The following NEO1 variants were observed in gnomAD, a reference collection of about 807,000 sequenced individuals.
The protein encoded by NEO1 is neogenin.
A neutral mutation model predicts 159.7 loss-of-function variants in NEO1; 63 were observed. The ratio of observed to expected loss-of-function variants is 0.39; its 90% CI spans 0.32 to 0.49. NEO1 has a LOEUF of 0.49. NEO1 is among the 20% of genes least tolerant of loss of function. NEO1 has a pLI of 0.85. For missense variants in NEO1, 1,615 were observed against 1,831.0 expected, an observed-to-expected ratio of 0.88 and a Z score of 2.15; for synonymous variants, 633 against 662.0, an observed-to-expected ratio of 0.96 and a Z score of 0.67.
At chr15:73,072,710 A>G (rs28462360) in intron 1 of NEO1, among the ~76,000 whole-genome samples, 23,015 of 152,140 alleles carry the variant, frequency 0.15, 2,801 homozygotes, top group African/African-American at 0.33. Flanking sequence ...GCTTGCGTGC[A>G]TGGAGGTGGG....
At chr15:73,122,067 A>ATATG (rs1350276720) in intron 2 of NEO1, among the ~76,000 whole-genome samples, 1 of 15,682 alleles carries the variant, frequency 6.4e-5, no homozygotes, top group Non-Finnish European at 1.3e-4. Flanking sequence ...GTGTGTGTAT[A>ATATG]TATATATATA....
intron 23 of NEO1, among the ~76,000 whole-genome samples, chr15:73,287,116 A>G (rs1390357984): frequency 6.6e-6 from 1 of 152,154 alleles, no homozygotes; most frequent in Admixed American, 6.5e-5. Flanking sequence ...TTCTAGTATT[A>G]TTTCACATCA....
At chr15:73,274,670 TC>T (rs749593819) in intron 20 of NEO1, 21 bp from the exon 21 acceptor site, 1 of 1,613,392 alleles carries the variant, frequency 6.2e-7, no homozygotes, top group Non-Finnish European at 8.5e-7. Flanking sequence ...TGTTTTTTCT[TC>T]CCCTGTGCTT....
At chr15:73,103,542 A>G (rs1409829259) in intron 1 of NEO1, among the ~76,000 whole-genome samples, 1 of 152,090 alleles carries the variant, frequency 6.6e-6, no homozygotes, top group African/African-American at 2.4e-5. Context: ...GTACGTATGT[A>G]CTTTGTACAT....
chr15:73,234,109 GT>G (rs1332142340), intron 7 of NEO1, among the ~76,000 whole-genome samples: 1 of 152,182 alleles, frequency 6.6e-6, no homozygotes, highest in African/African-American at 2.4e-5. Flanking sequence ...ATTAAGTTTG[GT>G]GAGTTGGGTC....
chr15:73,253,338 A>T, intron 11 of NEO1, 62 bp from the exon 12 acceptor site: 1 of 949,520 alleles, frequency 1.1e-6, no homozygotes. Context: ...CAAGATGATC[A>T]CATGATGGGT....
At position 73,053,152 on chromosome 15, in the gene NEO1, G is replaced by A. The variant is rs571324305; in HGVS notation, c.130+347G>A. 6.6e-5 allele frequency among the ~76,000 whole-genome samples: 10 copies of A among 152,208 alleles called. No individual in the cohort carries two copies. In the South Asian group the frequency reaches 1.9e-3, roughly 28 times the overall value. On this transcript the variant is annotated intron_variant, in intron 1 of 28. Transcript: ENST00000261908. ...TGTGCTCACACTAGCACCAGTAGAG[G>A]CCACTACACACCTCATTAAATAAAC...
chr15:73,218,623 A>G (rs2150739199), intron 7 of NEO1, among the ~76,000 whole-genome samples: 1 of 151,948 alleles, frequency 6.6e-6, no homozygotes, highest in African/African-American at 2.4e-5. Flanking sequence ...TGGTCTATTC[A>G]GAGATTCAAC....
intron 15 of NEO1, among the ~76,000 whole-genome samples, chr15:73,265,920 C>T (rs1050357469): frequency 3.3e-5 from 5 of 152,256 alleles, no homozygotes; most frequent in African/African-American, 1.2e-4. Context: ...TCTACCTTGT[C>T]TGTTCCCATC....
At chr15:73,052,445 C>G (rs2067493751), upstream of NEO1, 1 of 124,422 alleles carries the variant, frequency 8.0e-6, no homozygotes, top group Non-Finnish European at 1.7e-5. Context: ...TGTACTGACT[C>G]CCCTTCTTCG....
At chr15:73,263,668 T>G (rs16957726) in intron 15 of NEO1, among the ~76,000 whole-genome samples, 3,732 of 152,314 alleles carry the variant, frequency 0.025, 154 homozygotes, top group African/African-American at 0.083. Context: ...TTCAGATCGT[T>G]TCTTTGTAAA....
chr15:73,202,854 T>C (rs1393713268), intron 7 of NEO1, among the ~76,000 whole-genome samples: 2 of 152,226 alleles, frequency 1.3e-5, no homozygotes, highest in Non-Finnish European at 2.9e-5. Context: ...TCTAGCCTTA[T>C]ATAAGTAGAA....
rs185067470 is a variant in NEO1 at position 73,224,646 on chromosome 15, A to G, written c.1292-11701A>G. On this transcript the variant is annotated intron_variant, in intron 7 of 28. Transcript: ENST00000261908. ...TTTTGCATTTCTATAAGTGTGTCCA[A>G]TGTTTCCAGAATTTTTTGTTTTTTC... Among the ~76,000 whole-genome samples, 434 of 152,196 alleles carry G rather than the reference A, an allele frequency of 2.9e-3. 1 individual carries two copies. The highest frequency in any genetic ancestry group is 4.4e-3 in the Non-Finnish European group (300 of 67,992).
intron 1 of NEO1, among the ~76,000 whole-genome samples, chr15:73,061,899 G>T (rs935377934): frequency 1.3e-5 from 2 of 152,188 alleles, no homozygotes; most frequent in Non-Finnish European, 1.5e-5. Flanking sequence ...ATATGAAATT[G>T]TATTTTCTGG....
At chr15:73,298,899 A>G (rs1261086168) in intron 27 of NEO1, among the ~76,000 whole-genome samples, 1 of 152,174 alleles carries the variant, frequency 6.6e-6, no homozygotes, top group African/African-American at 2.4e-5. Flanking sequence ...GTCCAATGGC[A>G]TGGGAATGGA....
At chr15:73,260,563 T>C in intron 15 of NEO1, 98 bp downstream of exon 15, 3 of 1,060,062 alleles carry the variant, frequency 2.8e-6, no homozygotes, top group Non-Finnish European at 3.9e-6. Flanking sequence ...ATTGCGAAAA[T>C]AGTACAAGTA....
chr15:73,218,586 T>A (rs1015504496), intron 7 of NEO1, among the ~76,000 whole-genome samples: 1 of 151,972 alleles, frequency 6.6e-6, no homozygotes, highest in Non-Finnish European at 1.5e-5. Context: ...AGCTATTGAT[T>A]ATTGCCACAA....
intron 23 of NEO1, among the ~76,000 whole-genome samples, chr15:73,287,986 T>C (rs1254678781): frequency 6.6e-6 from 1 of 152,232 alleles, no homozygotes; most frequent in Non-Finnish European, 1.5e-5. Context: ...AACTTGTGGA[T>C]GAACCTTCTG....
upstream of NEO1, chr15:73,051,855 C>G (rs62016793): frequency 0.28 from 41,852 of 152,188 alleles, 7,407 homozygotes; most frequent in Middle Eastern, 0.39. Context: ...GGAGGCCTTT[C>G]GGTTTCCTCT....
Sources: gnomAD v4.1 joint callset for allele counts (sites outside exome capture counted in the v4.1 genomes callset) on GRCh38, gnomAD v4.1.1 for gene constraint, MANE v1.5 for transcripts, NCBI Gene and HGNC (gene_info 2026-07-23, HGNC 2026-07-21) for gene names.